EXOC3L2: variants seen among roughly 807,000 people sequenced by gnomAD.
EXOC3L2 encodes the protein exocyst complex component 3-like protein 2.
Under a neutral mutation model 44.4 loss-of-function variants are expected in EXOC3L2, and 17 were observed. That is an observed-to-expected ratio of 0.38 (90% CI 0.26 to 0.57). EXOC3L2 has a LOEUF of 0.57. EXOC3L2 is among the 20% of genes least tolerant of loss of function. The pLI is 0.65. For missense variants in EXOC3L2, 541 were observed against 588.4 expected (o/e 0.92, Z 0.83); for synonymous variants, 256 against 253.7 (o/e 1.01, Z -0.09).
chr19:45,224,999 G>A (rs1369972747), intron 7 of EXOC3L2, 86 bp from the exon 8 acceptor site: 6 of 1,374,994 alleles, frequency 4.4e-6, no homozygotes, highest in Admixed American at 3.0e-5. Flanking sequence ...GTAGATCAGA[G>A]GGGCACAGGG....
intron 1 of EXOC3L2, among the ~76,000 whole-genome samples, chr19:45,240,239 G>T (rs1326583212): frequency 1.3e-5 from 2 of 151,146 alleles, no homozygotes; most frequent in Admixed American, 1.3e-4. Flanking sequence ...TCAGCAGCTG[G>T]GACTACAGGT....
chr19:45,227,937 C>A (rs1377723388), intron 6 of EXOC3L2, 37 bp downstream of exon 6: 2 of 1,601,040 alleles, frequency 1.2e-6, no homozygotes, highest in African/African-American at 1.3e-5. Context: ...ATGCCCAACC[C>A]CCAGCAGAGC....
intron 1 of EXOC3L2, among the ~76,000 whole-genome samples, chr19:45,240,139 C>T (rs1970119132): frequency 6.7e-6 from 1 of 149,594 alleles, no homozygotes; most frequent in African/African-American, 2.5e-5. Flanking sequence ...GGGACTCACC[C>T]TGTCACCCAG....
At chr19:45,242,949 A>G (rs1428461230) in intron 1 of EXOC3L2, among the ~76,000 whole-genome samples, 1 of 151,738 alleles carries the variant, frequency 6.6e-6, no homozygotes, top group Non-Finnish European at 1.5e-5. Context: ...GCCTTCTCCT[A>G]AGGAATCCAG....
rs1970062637 is a variant in EXOC3L2, at chr19:45,234,504, G to C, written c.846C>G (p.Ala282=). The change falls in exon 3 of 12, where the codon GCC becomes GCG. Residue 282 remains alanine (A), a synonymous_variant. Coordinates refer to ENST00000413988, the MANE Select transcript of EXOC3L2 (RefSeq NM_001382422.1). The surrounding 1 kb of genome is among the most constrained non-coding windows in gnomAD (Gnocchi z 5.0). ...CGGCCCAGCGTGCGCGTAGTTTGCG[G>C]GCCGCCCCGGGACCCCGACGCCCGT... ...AADGRRGPGA[A]RKLRARWAEA... The C allele has an allele frequency of 4.1e-6, 1 of 246,198 alleles. No individual in the cohort carries two copies. Among genetic ancestry groups the C allele is most frequent in the African/African-American group, 2.3e-5 (1 of 43,054 alleles). The allele number at this position is 246,198 out of a possible 1,614,324, so 15.3% of individuals were successfully genotyped here. A position where few individuals can be genotyped will look rare whatever the true frequency, so the allele number is the denominator to read the frequency against.
chr19:45,222,217 T>G (rs2122964538), intron 8 of EXOC3L2, among the ~76,000 whole-genome samples: 1 of 150,534 alleles, frequency 6.6e-6, no homozygotes, highest in Non-Finnish European at 1.5e-5. Context: ...TTTTTTTTTT[T>G]GAGACGGAGT....
Position 45,217,701 on chromosome 19 carries a change from A to G in EXOC3L2, c.1843-18T>C. ...ACCAGCGCCTGGAGGCGGAGGAGGG[A>G]AACCCGAGGGGTGTGAGCCATGCCC... On this transcript the variant is annotated intron_variant, in intron 9 of 11. Transcript: ENST00000413988. 7.1e-7 allele frequency: 1 copy of G among 1,398,910 alleles called. No individual in the cohort carries two copies. 86.7% of individuals were successfully genotyped at this position (1,398,910 alleles called of 1,614,324 possible).
chr19:45,233,052 C>A (rs1970047330), intron 3 of EXOC3L2, among the ~76,000 whole-genome samples: 1 of 152,104 alleles, frequency 6.6e-6, no homozygotes, highest in African/African-American at 2.4e-5. Flanking sequence ...CCCGTCTCTA[C>A]TAAAAATACA....
chr19:45,227,843 A>G, intron 6 of EXOC3L2, 71 bp from the exon 7 acceptor site: 1 of 1,537,904 alleles, frequency 6.5e-7, no homozygotes, highest in Non-Finnish European at 8.9e-7. Context: ...AGCCTGCCAA[A>G]GCCACCATCC....
rs368472990 is a variant in EXOC3L2, at chr19:45,244,596, C to G, written c.-17+745G>C. ...ACTTCCGAGGCATCCCTCAAGCCCC[C>G]AGCCTCTCAGGCCCGCAGGATGTCT... is the stretch of plus-strand genomic sequence containing the variant. On this transcript the variant is annotated intron_variant, in intron 1 of 11. Coordinates refer to ENST00000413988, the MANE Select transcript of EXOC3L2 (RefSeq NM_001382422.1). Among the ~76,000 whole-genome samples, 30 of 152,276 alleles carry G rather than the reference C, an allele frequency of 2.0e-4. No homozygotes were observed. In the East Asian group the frequency reaches 5.0e-3, roughly 26 times the overall value.
intron 4 of EXOC3L2, 77 bp downstream of exon 4, chr19:45,231,686 G>A (rs1970033336): frequency 4.7e-6 from 6 of 1,264,212 alleles, no homozygotes; most frequent in Non-Finnish European, 5.7e-6. Context: ...AAGGTGGAGG[G>A]GACAGGCTTC....
At position 45,238,879 on chromosome 19, in the gene EXOC3L2, G is replaced by T; in HGVS notation, c.167C>A (p.Ala56Asp). Residue 56 changes from alanine to aspartate, a missense_variant, in exon 2 of 12, where the codon GCC (alanine) becomes GAC (aspartate). Transcript: ENST00000413988. The surrounding 1 kb of genome is among the most constrained non-coding windows in gnomAD (Gnocchi z 5.5). ...LPNGTSCRRR[A>D]TLEKLAGLAP... is the part of the protein sequence containing the mutation. ...CAGGCCCGCAAGCTTCTCCAGGGTG[G>T]CGCGGCGGCGACAAGATGTTCCATT... 2.5e-6 allele frequency: 1 copy of T among 399,190 alleles called. No homozygotes were observed. The allele number at this position is 399,190 out of a possible 1,614,324, so 24.7% of individuals were successfully genotyped here.
At chr19:45,243,556 C>G (rs183527763) in intron 1 of EXOC3L2, among the ~76,000 whole-genome samples, 22 of 152,336 alleles carry the variant, frequency 1.4e-4, no homozygotes, top group African/African-American at 4.8e-4. Flanking sequence ...CGACCCCTTG[C>G]CTGGAGCCCC....
chr19:45,217,339 A>G (rs1473036118), intron 10 of EXOC3L2, among the ~76,000 whole-genome samples, 189 bp downstream of exon 10: 3 of 152,204 alleles, frequency 2.0e-5, no homozygotes, highest in Non-Finnish European at 4.4e-5. Flanking sequence ...GAGTTCTCAG[A>G]GCAAGAAAGC....
Position 45,218,276 on chromosome 19 carries a change from G to A in EXOC3L2, c.1763C>T (p.Pro588Leu), listed in dbSNP as rs375134450. 15 of 1,598,102 alleles carry A rather than the reference G, an allele frequency of 9.4e-6. No homozygotes were observed. The highest frequency in any genetic ancestry group is 1.1e-5 in the Non-Finnish European group (13 of 1,171,980). Residue 588 changes from proline (P) to leucine (L), a missense_variant, in exon 9 of 12, where the codon CCG (proline) becomes CTG (leucine). By Grantham distance (98) the Pro-to-Leu change is moderately conservative. Coordinates refer to ENST00000413988, the MANE Select transcript of EXOC3L2 (RefSeq NM_001382422.1). The stretch of plus-strand genomic sequence containing the variant: ...GCCCACGATGCCATCCAGGGCCTCC[G>A]GGCTGCTCAGCCACTTCCGGCGCAT... The part of the protein sequence containing the change: ...KLMRRKWLSS[P>L]EALDGIVGTL...
chr19:45,228,565 A>T (rs959621021), intron 4 of EXOC3L2, among the ~76,000 whole-genome samples: 3 of 152,166 alleles, frequency 2.0e-5, no homozygotes, highest in Non-Finnish European at 4.4e-5. Flanking sequence ...TAAGGTCAAC[A>T]GTTCAAGACC....
chr19:45,237,206 A>T (rs983687462), intron 2 of EXOC3L2, among the ~76,000 whole-genome samples: 1 of 152,118 alleles, frequency 6.6e-6, no homozygotes, highest in African/African-American at 2.4e-5. Context: ...ATGACATTAA[A>T]GATGGCGTTT....
chr19:45,218,170 A>ACCC, intron 9 of EXOC3L2, 27 bp downstream of exon 9: 1 of 438,398 alleles, frequency 2.3e-6, no homozygotes, highest in Non-Finnish European at 3.1e-6. Context: ...CCCCACCCCC[A>ACCC]CCTCCCCTCC....
chr19:45,213,887 G>C (rs1400056198), intron 11 of EXOC3L2, among the ~76,000 whole-genome samples: 1 of 151,962 alleles, frequency 6.6e-6, no homozygotes, highest in Non-Finnish European at 1.5e-5. Context: ...CTGGGAGGCA[G>C]AGGTTGCAGT....
Sources: allele counts gnomAD v4.1 joint callset (sites outside exome capture counted in the v4.1 genomes callset), GRCh38; gene constraint gnomAD v4.1.1; non-coding constraint Gnocchi (gnomAD v3.1); transcripts MANE v1.5; gene names NCBI Gene and HGNC (gene_info 2026-07-23, HGNC 2026-07-21).